FAM117B: variants seen among roughly 807,000 people sequenced by gnomAD.
The protein encoded by FAM117B is protein FAM117B.
A neutral mutation model predicts 52.8 loss-of-function variants in FAM117B; 22 were observed. The ratio of observed to expected loss-of-function variants is 0.42; its 90% confidence interval spans 0.30 to 0.59. FAM117B has a LOEUF of 0.59. Among genes scored for constraint, FAM117B ranks in the 20% least tolerant of loss-of-function variants. The pLI is 0.22. For synonymous variants in FAM117B, 309 were observed against 324.1 expected, an observed-to-expected ratio of 0.95 and a Z score of 0.50; for missense variants, 678 against 802.6, an observed-to-expected ratio of 0.84 and a Z score of 1.88.
At chr2:202,745,411 C>T (rs1019263411) in intron 4 of FAM117B, among the ~76,000 whole-genome samples, 2 of 152,070 alleles carry the variant, frequency 1.3e-5, no homozygotes, top group Non-Finnish European at 2.9e-5. Context: ...GGATATCTAC[C>T]ATCATGAAAA....
chr2:202,706,208 T>C (rs1362861087), intron 2 of FAM117B, among the ~76,000 whole-genome samples: 1 of 152,184 alleles, frequency 6.6e-6, no homozygotes, highest in South Asian at 2.1e-4. Flanking sequence ...GTTTCTTTGG[T>C]TTGGTTTCTT....
intron 7 of FAM117B, among the ~76,000 whole-genome samples, chr2:202,759,693 G>A (rs1691855669): frequency 1.3e-5 from 2 of 151,986 alleles, no homozygotes; most frequent in African/African-American, 4.8e-5. Context: ...GAGTAGCAGG[G>A]ACTACAGGCG....
At chr2:202,662,950 T>C (rs564432686) in intron 1 of FAM117B, among the ~76,000 whole-genome samples, 1 of 152,354 alleles carries the variant, frequency 6.6e-6, no homozygotes, top group South Asian at 2.1e-4. Context: ...ATCACACTCT[T>C]ATCCTGTAAA....
At chr2:202,735,336 TATGCAGAAGATGATTTTTACTAGGA>T in intron 4 of FAM117B, among the ~76,000 whole-genome samples, 1 of 152,226 alleles carries the variant, frequency 6.6e-6, no homozygotes, top group South Asian at 2.1e-4. Flanking sequence ...TATTTCACGA[TATGCAGAAGATGATTTTTACTAGGA>T]AATTAATCTC....
intron 4 of FAM117B, among the ~76,000 whole-genome samples, chr2:202,742,477 AGTC>A (rs1479115551): frequency 1.3e-5 from 2 of 152,200 alleles, no homozygotes; most frequent in African/African-American, 4.8e-5. Flanking sequence ...CACTGGGACA[AGTC>A]GTAGCCATTT....
intron 4 of FAM117B, among the ~76,000 whole-genome samples, chr2:202,743,007 A>C (rs989185147): frequency 3.9e-5 from 6 of 152,214 alleles, no homozygotes; most frequent in African/African-American, 1.4e-4. Context: ...TGCCAACACC[A>C]CACACAATGC....
intron 4 of FAM117B, among the ~76,000 whole-genome samples, chr2:202,751,307 C>T (rs1405920192): frequency 2.6e-5 from 4 of 152,062 alleles, no homozygotes; most frequent in Non-Finnish European, 5.9e-5. Flanking sequence ...TATTGTCTGA[C>T]CAGTACTTGA....
chr2:202,678,621 G>A (rs1455980568), intron 1 of FAM117B, among the ~76,000 whole-genome samples: 2 of 152,132 alleles, frequency 1.3e-5, no homozygotes, highest in African/African-American at 2.4e-5. Context: ...GTGCAATGGC[G>A]AGATCTTGGC....
chr2:202,652,609 A>G (rs764706516), intron 1 of FAM117B, among the ~76,000 whole-genome samples: 2 of 152,218 alleles, frequency 1.3e-5, no homozygotes, highest in African/African-American at 2.4e-5. Context: ...ATGTGGCTCT[A>G]TCTTGAGTCA....
At chr2:202,636,388 A>G (rs556343508) in intron 1 of FAM117B, among the ~76,000 whole-genome samples, 1 of 152,334 alleles carries the variant, frequency 6.6e-6, no homozygotes, top group African/African-American at 2.4e-5. Context: ...AGGAAGGTTT[A>G]TGGGTTTTGT....
chr2:202,729,121 T>C (rs1010773747), intron 4 of FAM117B, among the ~76,000 whole-genome samples: 2 of 152,186 alleles, frequency 1.3e-5, no homozygotes, highest in African/African-American at 2.4e-5. Context: ...GTGGATCACC[T>C]GAGGTCAGGA....
At chr2:202,725,617 C>T (rs1404511835) in intron 3 of FAM117B, among the ~76,000 whole-genome samples, 1 of 152,166 alleles carries the variant, frequency 6.6e-6, no homozygotes, top group African/African-American at 2.4e-5. Flanking sequence ...CCGCACCTGG[C>T]CACATTTATT....
intron 4 of FAM117B, among the ~76,000 whole-genome samples, chr2:202,754,015 C>G (rs1181155333): frequency 6.6e-6 from 1 of 152,164 alleles, no homozygotes; most frequent in Non-Finnish European, 1.5e-5. Context: ...ACCCAGCAAT[C>G]CCATTACTGA....
At chr2:202,700,183 T>C (rs894620310) in intron 2 of FAM117B, among the ~76,000 whole-genome samples, 3 of 152,212 alleles carry the variant, frequency 2.0e-5, no homozygotes, top group Admixed American at 1.3e-4. Context: ...TACATGTCTC[T>C]CTATTTCAAT....
intron 1 of FAM117B, among the ~76,000 whole-genome samples, chr2:202,641,818 T>C (rs1205464829): frequency 6.6e-6 from 1 of 151,888 alleles, no homozygotes; most frequent in Non-Finnish European, 1.5e-5. Flanking sequence ...TTTGTATTTT[T>C]AGTAGAGACA....
chr2:202,638,180 A>G (rs1201183456), intron 1 of FAM117B, among the ~76,000 whole-genome samples: 4 of 152,222 alleles, frequency 2.6e-5, no homozygotes, highest in Non-Finnish European at 5.9e-5. Flanking sequence ...CCCAGCCACT[A>G]GTTAAGTAAC....
chr2:202,750,857 G>A (rs1292320583), intron 4 of FAM117B, among the ~76,000 whole-genome samples: 5 of 152,100 alleles, frequency 3.3e-5, no homozygotes, highest in African/African-American at 4.8e-5. Flanking sequence ...TGTTTTATAC[G>A]CATGCATTGG....
At chr2:202,721,982 A>G (rs1418522367) in intron 2 of FAM117B, among the ~76,000 whole-genome samples, 1 of 151,708 alleles carries the variant, frequency 6.6e-6, no homozygotes, top group Non-Finnish European at 1.5e-5. Flanking sequence ...AAATTCATAT[A>G]AGAGAAGCAT....
chr2:202,676,375 G>GTT (rs71030983), intron 1 of FAM117B, among the ~76,000 whole-genome samples: 1 of 130,934 alleles, frequency 7.6e-6, no homozygotes, highest in Admixed American at 7.6e-5. Flanking sequence ...AATATTCCTT[G>GTT]TTTTTTTTTT....
Sources: gnomAD v4.1 joint callset for allele counts (sites outside exome capture counted in the v4.1 genomes callset) on GRCh38, gnomAD v4.1.1 for gene constraint, MANE v1.5 for transcripts, NCBI Gene and HGNC (gene_info 2026-07-23, HGNC 2026-07-21) for gene names.